LYPLAL1: variants seen among roughly 807,000 people sequenced by gnomAD.
LYPLAL1 encodes lysophospholipase-like protein 1.
A neutral mutation model predicts 19.7 loss-of-function variants in LYPLAL1; 23 were observed. That is an observed-to-expected ratio of 1.17 (90% CI 0.84 to 1.65). The LOEUF (loss-of-function observed/expected upper bound fraction) is 1.65, where lower values mean the gene tolerates loss of function less well. Among genes scored for constraint, LYPLAL1 ranks in the 40% most tolerant of loss-of-function variants. LYPLAL1 has a pLI of 0.00. For synonymous variants in LYPLAL1, 119 were observed against 96.3 expected (o/e 1.24, Z -1.38); for missense variants, 355 against 279.4 (o/e 1.27, Z -1.93).
At chr1:219,381,647 A>T in the LYPLAL1 span, among the ~76,000 whole-genome samples, 2 of 152,348 alleles carry the variant, frequency 1.3e-5, no homozygotes, top group South Asian at 4.1e-4. Flanking sequence ...GGAGGGTTGC[A>T]TGCAGAACAC....
chr1:219,174,599 A>G (rs1483521409), intron 1 of LYPLAL1, among the ~76,000 whole-genome samples: 1 of 152,186 alleles, frequency 6.6e-6, no homozygotes, highest in Admixed American at 6.5e-5. Context: ...CCCCAGGGAC[A>G]GGCATCTTCC....
chr1:219,184,381 A>G (rs559373913), intron 2 of LYPLAL1, among the ~76,000 whole-genome samples: 151 of 151,970 alleles, frequency 9.9e-4, no homozygotes, highest in Admixed American at 1.8e-3. Context: ...GTATCCTTCT[A>G]TCTTTCTAAA....
At chr1:219,382,517 G>A in the LYPLAL1 span, among the ~76,000 whole-genome samples, 2,510 of 152,082 alleles carry the variant, frequency 0.017, 58 homozygotes, top group African/African-American at 0.057. Flanking sequence ...CCACCACTGC[G>A]CCCGGCTAAC....
At chr1:219,369,564 T>A in the LYPLAL1 span, among the ~76,000 whole-genome samples, 1 of 152,232 alleles carries the variant, frequency 6.6e-6, no homozygotes. Flanking sequence ...GAGCCACTGA[T>A]CCTGGCCAGT....
chr1:219,203,862 A>G lies in LYPLAL1; in HGVS notation c.362-6670A>G, dbSNP rs150789683. Among the ~76,000 whole-genome samples, 1,155 of 152,320 alleles carry G rather than the reference A, an allele frequency of 7.6e-3. 4 individuals carry two copies. The highest frequency in any genetic ancestry group is 0.023 in the South Asian group (111 of 4,828). On this transcript the variant is annotated intron_variant, in intron 3 of 4. Transcript: ENST00000366928. ...TGCAATAGATCTAGTAGAATGATGA[A>G]GTGCTAAACTGACACACTATTTTAA...
chr1:219,362,822 G>C, the LYPLAL1 span, among the ~76,000 whole-genome samples: 3 of 151,890 alleles, frequency 2.0e-5, no homozygotes, highest in East Asian at 3.9e-4. Flanking sequence ...ATTTTAGGGA[G>C]ATCAACCAGT....
chr1:219,334,157 A>G, the LYPLAL1 span, among the ~76,000 whole-genome samples: 6 of 152,002 alleles, frequency 3.9e-5, no homozygotes, highest in South Asian at 2.1e-4. Context: ...AAACATTACT[A>G]TAATAGAAAG....
the LYPLAL1 span, among the ~76,000 whole-genome samples, chr1:219,235,362 T>C: frequency 6.6e-6 from 1 of 152,172 alleles, no homozygotes; most frequent in Admixed American, 6.5e-5. Context: ...TAACAAGGGA[T>C]CCTTGATTAC....
At chr1:219,237,490 G>C in the LYPLAL1 span, among the ~76,000 whole-genome samples, 1 of 152,100 alleles carries the variant, frequency 6.6e-6, no homozygotes, top group Non-Finnish European at 1.5e-5. Context: ...TCAGATAGGT[G>C]GTATTAGTAA....
At chr1:219,335,254 A>T in the LYPLAL1 span, among the ~76,000 whole-genome samples, 4 of 151,900 alleles carry the variant, frequency 2.6e-5, no homozygotes, top group Non-Finnish European at 5.9e-5. Context: ...TCCTGTTCAC[A>T]CTCATTTCAT....
chr1:219,239,337 G>T, the LYPLAL1 span, among the ~76,000 whole-genome samples: 1 of 152,204 alleles, frequency 6.6e-6, no homozygotes, highest in South Asian at 2.1e-4. Context: ...CCAGAATCCA[G>T]CACAGGTCCT....
At chr1:219,358,350 T>A in the LYPLAL1 span, among the ~76,000 whole-genome samples, 2 of 152,210 alleles carry the variant, frequency 1.3e-5, no homozygotes, top group Non-Finnish European at 2.9e-5. Context: ...GTACTCTAGT[T>A]GATAAAATTG....
chr1:219,368,674 T>C, the LYPLAL1 span, among the ~76,000 whole-genome samples: 20 of 152,190 alleles, frequency 1.3e-4, no homozygotes, highest in African/African-American at 4.8e-4. Flanking sequence ...AAGCATAGAA[T>C]TGAAGCAATC....
At chr1:219,310,933 A>G in the LYPLAL1 span, among the ~76,000 whole-genome samples, 1 of 152,328 alleles carries the variant, frequency 6.6e-6, no homozygotes, top group East Asian at 1.9e-4. Flanking sequence ...GATTGCTGAG[A>G]AGTAAGAAAA....
At chr1:219,327,030 C>T in the LYPLAL1 span, among the ~76,000 whole-genome samples, 3 of 152,210 alleles carry the variant, frequency 2.0e-5, no homozygotes, top group South Asian at 2.1e-4. Flanking sequence ...ACCCATTAGG[C>T]GGAGATGGCA....
the LYPLAL1 span, among the ~76,000 whole-genome samples, chr1:219,434,192 T>C: frequency 6.6e-6 from 1 of 152,228 alleles, no homozygotes; most frequent in Non-Finnish European, 1.5e-5. Context: ...TGCTGTTTTC[T>C]AAATGACCAC....
the LYPLAL1 span, among the ~76,000 whole-genome samples, chr1:219,419,847 G>C: frequency 1.3e-5 from 2 of 152,128 alleles, no homozygotes; most frequent in African/African-American, 4.8e-5. Flanking sequence ...TATAATTAAG[G>C]CGCCTCTGGA....
the LYPLAL1 span, among the ~76,000 whole-genome samples, chr1:219,289,087 G>GTTTT: frequency 1.9e-4 from 27 of 139,980 alleles, 2 homozygotes; most frequent in African/African-American, 2.6e-5. Context: ...TGTTTTTTTT[G>GTTTT]TTTTTTTTGC....
At chr1:219,342,967 A>T in the LYPLAL1 span, among the ~76,000 whole-genome samples, 47,030 of 151,998 alleles carry the variant, frequency 0.31, 8,688 homozygotes, top group Non-Finnish European at 0.41. Context: ...TATTTCATGG[A>T]TGAGGTTATG....
Sources: allele counts gnomAD v4.1 joint callset (sites outside exome capture counted in the v4.1 genomes callset), GRCh38; gene constraint gnomAD v4.1.1; transcripts MANE v1.5; gene names NCBI Gene and HGNC (gene_info 2026-07-23, HGNC 2026-07-21).